Variants in ERICH6B observed in about 807,000 individuals in gnomAD.
ERICH6B encodes glutamate-rich protein 6B.
ERICH6B carries 69 observed loss-of-function variants against 80.0 expected under a neutral mutation model. The ratio of observed to expected loss-of-function variants is 0.86; its 90% CI spans 0.71 to 1.05. ERICH6B has a LOEUF of 1.05. ERICH6B is among the 50% of genes least tolerant of loss of function. ERICH6B has a pLI of 0.00. For missense variants in ERICH6B, 754 were observed against 796.1 expected (o/e 0.95, Z 0.64); for synonymous variants, 283 against 291.9 (o/e 0.97, Z 0.31).
chr13:45,599,721 G>A (rs1949814941), intron 2 of ERICH6B, among the ~76,000 whole-genome samples: 1 of 152,154 alleles, frequency 6.6e-6, no homozygotes. Flanking sequence ...CTTAGCATGA[G>A]TGACTCCATT....
intron 1 of ERICH6B, among the ~76,000 whole-genome samples, chr13:45,609,542 T>C (rs1276648197): frequency 1.3e-5 from 2 of 152,224 alleles, no homozygotes; most frequent in Non-Finnish European, 2.9e-5. Context: ...GTCTGTAGAT[T>C]TGAGAGTAGG....
At chr13:45,550,415 G>A (rs1874174550) in intron 11 of ERICH6B, 99 bp from the exon 12 acceptor site, 5 of 910,272 alleles carry the variant, frequency 5.5e-6, no homozygotes, top group Admixed American at 4.6e-5. Flanking sequence ...CTTGCTCTCC[G>A]ATGCCACGTG....
At chr13:45,604,433 T>C (rs1016203345) in intron 2 of ERICH6B, among the ~76,000 whole-genome samples, 2 of 152,154 alleles carry the variant, frequency 1.3e-5, no homozygotes, top group Admixed American at 1.3e-4. Flanking sequence ...CAGGGGAGGC[T>C]GTGGGGAGGG....
chr13:45,563,406 A>C (rs970963828), intron 10 of ERICH6B, among the ~76,000 whole-genome samples: 2 of 152,184 alleles, frequency 1.3e-5, no homozygotes, highest in Non-Finnish European at 2.9e-5. Context: ...TGATCTGAGA[A>C]CCAGAAAACA....
At chr13:45,550,183 A>T (rs911865413) in intron 12 of ERICH6B, 48 bp downstream of exon 12, 3 of 1,539,514 alleles carry the variant, frequency 1.9e-6, no homozygotes, top group African/African-American at 2.8e-5. Context: ...TAGACATTTT[A>T]GGTGCCAATA....
chr13:45,554,198 A>G (rs1208032539), intron 11 of ERICH6B, among the ~76,000 whole-genome samples: 3 of 152,210 alleles, frequency 2.0e-5, no homozygotes, highest in African/African-American at 7.2e-5. Flanking sequence ...CGTTCCACAC[A>G]TAAGTGATGT....
At position 45,596,550 on chromosome 13, in the gene ERICH6B, A is replaced by G. The variant is rs1054351433; in HGVS notation, c.456T>C (p.Ile152=). The G allele has an allele frequency of 6.5e-6, 10 of 1,547,512 alleles. No homozygotes were observed. In the African/African-American group the frequency reaches 1.3e-4, roughly 20 times the overall value. ...KEGYLEKEDY[I]EEVDYLGKKA... ...TCTTCCCCAGATAATCTACCTCCTC[A>G]ATATAATCTTCCTTCTCCAGATACC... is the stretch of plus-strand genomic sequence containing the variant. The change falls in exon 3 of 15, where the codon ATT becomes ATC. Residue 152 remains isoleucine, a synonymous_variant. Coordinates refer to ENST00000298738, the MANE Select transcript of ERICH6B (RefSeq NM_182542.3).
In ERICH6B at chr13:45,561,512, C is replaced by CTGTTAACTTT; in HGVS notation, c.1254_1263dup (p.Glu422LysfsTer19). The CTGTTAACTTT allele has an allele frequency of 6.4e-7, 1 of 1,551,570 alleles. No individual in the cohort carries two copies. The highest frequency in any genetic ancestry group is 8.7e-7 in the Non-Finnish European group (1 of 1,146,962). On this transcript the variant is annotated frameshift_variant, in exon 11 of 15. Coordinates refer to ENST00000298738, the MANE Select transcript of ERICH6B (RefSeq NM_182542.3). LOFTEE classifies it high-confidence loss of function. ...AAATGAAATGTGAAACTGGTCATCT[C>CTGTTAACTTT]TGTTAACTTTTGAGCTGCCATTCAA...
Position 45,579,851 on chromosome 13 carries a change from G to C in ERICH6B, c.961+82C>G. On this transcript the variant is annotated intron_variant, in intron 7 of 14. Coordinates refer to ENST00000298738, the MANE Select transcript of ERICH6B (RefSeq NM_182542.3). ...TGGGTCATGCTGGATCAGAGAGGGA[G>C]CCACCTGCTAGGGGCACCTTCCCCA... The C allele has an allele frequency of 4.4e-6, 6 of 1,379,098 alleles. No individual in the cohort carries two copies. In the South Asian group the frequency reaches 7.5e-5, roughly 17 times the overall value. 85.4% of individuals were successfully genotyped at this position (1,379,098 alleles called of 1,614,324 possible).
chr13:45,549,875 C>G lies in ERICH6B; in HGVS notation c.1646+18G>C. 5 of 1,547,074 alleles carry G rather than the reference C, an allele frequency of 3.2e-6. No homozygotes were observed. The highest frequency in any genetic ancestry group is 4.4e-6 in the Non-Finnish European group (5 of 1,146,182). On this transcript the variant is annotated intron_variant, in intron 13 of 14. Coordinates refer to ENST00000298738, the MANE Select transcript of ERICH6B (RefSeq NM_182542.3). ...TCTCCATGGGCAGGAGTGTTAGGGA[C>G]TCATGACCCAAGCTTACCAGATATC...
At chr13:45,559,322 C>G (rs1226437855) in intron 11 of ERICH6B, among the ~76,000 whole-genome samples, 4 of 151,978 alleles carry the variant, frequency 2.6e-5, no homozygotes, top group Non-Finnish European at 5.9e-5. Context: ...TGCTGAGGGT[C>G]TATCAATTTT....
rs538701404 is a variant in ERICH6B at position 45,596,346 on chromosome 13, C to T, written c.637+23G>A. ...TCAGATACTTTTCCTCCCATAGATG[C>T]TCTCCCTCCTCCAGATACTCACCTT... On this transcript the variant is annotated intron_variant, in intron 3 of 14. Coordinates refer to ENST00000298738, the MANE Select transcript of ERICH6B (RefSeq NM_182542.3). 14 of 1,535,618 alleles carry T rather than the reference C, an allele frequency of 9.1e-6. No individual in the cohort carries two copies. In the East Asian group the frequency reaches 2.2e-4, roughly 24 times the overall value.
chr13:45,566,305 T>A (rs1424141803), intron 9 of ERICH6B, among the ~76,000 whole-genome samples: 1 of 152,194 alleles, frequency 6.6e-6, no homozygotes, highest in East Asian at 1.9e-4. Flanking sequence ...GAGAAGAAAA[T>A]CAAGCCAGCT....
intron 10 of ERICH6B, 61 bp downstream of exon 10, chr13:45,563,666 A>G (rs1470935045): frequency 7.2e-7 from 1 of 1,393,706 alleles, no homozygotes. Context: ...AGAAGGGGAG[A>G]GGCGGTGGGA....
chr13:45,550,192 T>C, intron 12 of ERICH6B, 39 bp downstream of exon 12: 1 of 1,541,704 alleles, frequency 6.5e-7, no homozygotes, highest in Non-Finnish European at 8.8e-7. Context: ...TAGGTGCCAA[T>C]ATATGTCAAT....
intron 5 of ERICH6B, among the ~76,000 whole-genome samples, chr13:45,586,266 G>A (rs1875896025): frequency 6.6e-6 from 1 of 152,048 alleles, no homozygotes; most frequent in South Asian, 2.1e-4. Context: ...AACCACATTG[G>A]AGCTACAAAA....
At chr13:45,584,261 T>C (rs148014957) in intron 5 of ERICH6B, among the ~76,000 whole-genome samples, 16 of 152,332 alleles carry the variant, frequency 1.1e-4, no homozygotes, top group Non-Finnish European at 2.1e-4. Flanking sequence ...AACTAGTGTT[T>C]CCAGTGCTCC....
At chr13:45,580,098 G>A (rs918240018) in intron 6 of ERICH6B, 124 bp from the exon 7 acceptor site, 4 of 813,278 alleles carry the variant, frequency 4.9e-6, no homozygotes, top group Non-Finnish European at 5.8e-6. Flanking sequence ...TCAGGGTGGA[G>A]TGCCTGTGTT....
chr13:45,581,123 G>A (rs1421376776), intron 5 of ERICH6B, among the ~76,000 whole-genome samples: 2 of 152,090 alleles, frequency 1.3e-5, no homozygotes, highest in African/African-American at 4.8e-5. Context: ...TGTGTGATGG[G>A]GACTGGATGG....
Sources: allele counts gnomAD v4.1 joint callset (sites outside exome capture counted in the v4.1 genomes callset), GRCh38; gene constraint gnomAD v4.1.1; transcripts MANE v1.5; gene names NCBI Gene and HGNC (gene_info 2026-07-23, HGNC 2026-07-21).